Variants in MLPH observed in about 807,000 individuals in gnomAD.
The protein encoded by MLPH is melanophilin, also known as exophilin-3.
Under a neutral mutation model 72.1 loss-of-function variants are expected in MLPH, and 51 were observed. The observed-to-expected ratio is 0.71, with a 90% CI of 0.56 to 0.89. The LOEUF is 0.89. Ranked by LOEUF, MLPH falls within the 40% of genes least tolerant of loss-of-function variation. The pLI is 0.00. For synonymous variants in MLPH, 301 were observed against 310.1 expected, an observed-to-expected ratio of 0.97 and a Z score of 0.31; for missense variants, 743 against 759.9, an observed-to-expected ratio of 0.98 and a Z score of 0.26.
At chr2:237,511,318 C>T (rs931075373) in intron 4 of MLPH, 2 of 483,022 alleles carry the variant, frequency 4.1e-6, no homozygotes, top group African/African-American at 4.0e-5. Flanking sequence ...CACCATGTTT[C>T]CCAGACTGGC....
At chr2:237,493,810 G>T (rs1405064319) in intron 2 of MLPH, among the ~76,000 whole-genome samples, 2 of 152,162 alleles carry the variant, frequency 1.3e-5, no homozygotes, top group African/African-American at 4.8e-5. Flanking sequence ...GTGATACTTA[G>T]GCCACATCTT....
chr2:237,494,529 G>A (rs555096263), intron 2 of MLPH, among the ~76,000 whole-genome samples: 39 of 152,266 alleles, frequency 2.6e-4, no homozygotes, highest in Non-Finnish European at 5.0e-4. Context: ...GTTTCACAGC[G>A]GTGGGCTCTG....
rs754853944 is a variant in MLPH at position 237,519,917 on chromosome 2, G to T, written c.563G>T (p.Arg188Leu). ...QAQPFGSKKK[R>L]LLSVHDFDFE... ...TGTCTTGTGCCTGCTAAGAAAAAGC[G>T]CCTCCTCTCCGTCCACGACTTCGAC... The change falls in exon 6 of 16, where the codon CGC becomes CTC. Residue 188 changes from arginine (R) to leucine (L), a missense_variant. Arg to Leu is a moderately radical substitution (Grantham distance 102). Transcript: ENST00000264605. 1.3e-4 allele frequency: 202 copies of T among 1,613,810 alleles called. No individual in the cohort carries two copies. The highest frequency in any genetic ancestry group is 1.7e-4 in the Non-Finnish European group (197 of 1,180,026).
intron 1 of MLPH, among the ~76,000 whole-genome samples, chr2:237,488,341 A>G (rs952579365): frequency 1.3e-5 from 2 of 151,712 alleles, no homozygotes; most frequent in African/African-American, 4.9e-5. Flanking sequence ...TGACATTGAC[A>G]CCCCGGGTTC....
At chr2:237,514,215 T>G (rs1446436401) in intron 4 of MLPH, among the ~76,000 whole-genome samples, 1 of 152,066 alleles carries the variant, frequency 6.6e-6, no homozygotes, top group African/African-American at 2.4e-5. Context: ...GGAGTGAGGG[T>G]CTTATGACCT....
At position 237,512,987 on chromosome 2, in the gene MLPH, C is replaced by A. The variant is rs767880422; in HGVS notation, c.445+1886C>A. Among the ~76,000 whole-genome samples the A allele has an allele frequency of 5.3e-5, 8 of 152,054 alleles. No homozygotes were observed. The highest frequency in any genetic ancestry group is 1.0e-4 in the Non-Finnish European group (7 of 68,026). ...CAGCTGCTCCTTGAACTTGGATTCC[C>A]AGCAGCTCCCCCAAGCGCCCACAGG... On this transcript the variant is annotated intron_variant, in intron 4 of 15. Coordinates refer to ENST00000264605, the MANE Select transcript of MLPH (RefSeq NM_024101.7). The surrounding 1 kb of genome is among the most constrained non-coding windows in gnomAD (Gnocchi z 5.5).
chr2:237,525,600 G>C lies in MLPH; in HGVS notation c.676-1G>C. On this transcript the variant is annotated splice_acceptor_variant, in intron 6 of 15. Transcript: ENST00000264605. LOFTEE classifies it high-confidence loss of function. The stretch of plus-strand genomic sequence containing the variant: ...GGAGGCTGACAGCCCCATGTGCTTA[G>C]TCCCTCACAGATGAGTCCTGCTCAG... The C allele has an allele frequency of 6.2e-7, 1 of 1,614,094 alleles. No individual in the cohort carries two copies. The highest frequency in any genetic ancestry group is 8.5e-7 in the Non-Finnish European group (1 of 1,180,012).
Position 237,542,604 on chromosome 2 carries a change from C to T in MLPH, c.1484C>T (p.Ala495Val). The T allele has an allele frequency of 6.2e-7, 1 of 1,603,618 alleles. No homozygotes were observed. Among genetic ancestry groups the T allele is most frequent in the Non-Finnish European group, 8.5e-7 (1 of 1,176,034 alleles). ...GAATCCAGGATTGCAGCCCTGAGGG[C>T]CGCAGGGCTCACGGTGAAGCCCTCG... ...DIESRIAALR[A>V]AGLTVKPSGK... Residue 495 changes from alanine (A) to valine (V), a missense_variant, in exon 12 of 16, where the codon GCC (alanine) becomes GTC (valine). Physicochemically the swap from Ala to Val is moderately conservative, Grantham distance 64. Transcript: ENST00000264605.
chr2:237,497,356 G>A (rs1302227011), intron 2 of MLPH, among the ~76,000 whole-genome samples: 1 of 152,192 alleles, frequency 6.6e-6, no homozygotes, highest in African/African-American at 2.4e-5. Context: ...GTTTCTTATT[G>A]TTTCATTTGT....
intron 4 of MLPH, among the ~76,000 whole-genome samples, chr2:237,517,414 G>A (rs899576883): frequency 6.6e-6 from 1 of 151,934 alleles, no homozygotes; most frequent in African/African-American, 2.4e-5. Context: ...TCAATGGATG[G>A]ATGGGTGGGT....
intron 12 of MLPH, chr2:237,545,569 C>T (rs544301833): frequency 7.8e-7 from 1 of 1,288,090 alleles, no homozygotes; most frequent in African/African-American, 1.5e-5. Context: ...TGTGGAAATC[C>T]TTAGTCCGCC....
chr2:237,490,488 A>G (rs2079408421), intron 1 of MLPH, among the ~76,000 whole-genome samples: 1 of 152,196 alleles, frequency 6.6e-6, no homozygotes, highest in Admixed American at 6.5e-5. Flanking sequence ...CTTGCAAGAC[A>G]AGAAAAGCAG....
At chr2:237,530,783 C>T (rs1376257060) in intron 8 of MLPH, among the ~76,000 whole-genome samples, 2 of 152,208 alleles carry the variant, frequency 1.3e-5, no homozygotes, top group Non-Finnish European at 2.9e-5. Flanking sequence ...AAGGAAGTGT[C>T]CTTTCATTCA....
At chr2:237,546,765 G>A (rs1300982257) in intron 13 of MLPH, 82 bp downstream of exon 13, 29 of 1,198,744 alleles carry the variant, frequency 2.4e-5, no homozygotes, top group East Asian at 2.1e-4. Flanking sequence ...GCAAGTCCAC[G>A]GGGTGGCAGA....
chr2:237,490,393 AGCCTCTAGGACATTGGTTGTGATGC>A (rs2079406587), intron 1 of MLPH, among the ~76,000 whole-genome samples: 2 of 152,280 alleles, frequency 1.3e-5, no homozygotes, highest in South Asian at 2.1e-4. Context: ...ATATCCAAGC[AGCCTCTAGGACATTGGTTGTGATGC>A]TCTGTGATCT....
At chr2:237,539,637 A>G (rs1415956512) in intron 9 of MLPH, among the ~76,000 whole-genome samples, 1 of 152,208 alleles carries the variant, frequency 6.6e-6, no homozygotes, top group African/African-American at 2.4e-5. Context: ...CCTCCTGCCC[A>G]CAGACAAGGT....
chr2:237,513,038 C>T (rs1292248370), intron 4 of MLPH, among the ~76,000 whole-genome samples: 1 of 151,528 alleles, frequency 6.6e-6, no homozygotes, highest in Non-Finnish European at 1.5e-5. Flanking sequence ...TGCTGGACAC[C>T]TGTAACTACA....
intron 4 of MLPH, 105 bp downstream of exon 4, chr2:237,511,206 A>ATG: frequency 5.9e-6 from 5 of 853,808 alleles, no homozygotes; most frequent in Admixed American, 3.6e-5. Context: ...GTGTGTGTGC[A>ATG]TGTGTGTGTG....
intron 6 of MLPH, among the ~76,000 whole-genome samples, chr2:237,522,233 G>A (rs987206666): frequency 2.3e-5 from 1 of 44,296 alleles, no homozygotes. Context: ...TAGTGCTGGA[G>A]TGGAGCTGGG....
Sources: gnomAD v4.1 joint callset for allele counts (sites outside exome capture counted in the v4.1 genomes callset) on GRCh38, gnomAD v4.1.1 for gene constraint, Gnocchi (gnomAD v3.1) non-coding constraint, MANE v1.5 for transcripts, NCBI Gene and HGNC (gene_info 2026-07-23, HGNC 2026-07-21) for gene names.